The following HPSE2 variants were observed in gnomAD, a reference collection of about 807,000 sequenced individuals.
HPSE2 encodes heparanase 2 (inactive).
Under a neutral mutation model 60.5 loss-of-function variants are expected in HPSE2, and 38 were observed. The observed-to-expected ratio is 0.63, with a 90% confidence interval of 0.48 to 0.82. The LOEUF is 0.82. Ranked by LOEUF, HPSE2 falls within the 40% of genes least tolerant of loss-of-function variation. HPSE2 has a pLI of 0.00. For synonymous variants in HPSE2, 295 were observed against 293.2 expected (o/e 1.01, Z -0.06); for missense variants, 713 against 740.4 (o/e 0.96, Z 0.43).
chr10:98,960,743 T>TA lies in HPSE2; in HGVS notation c.610+183494_610+183495insT, dbSNP rs1373570826. ...TTTGTTTTATTTTTTTTATTTTATT[T>TA]TTTTTTTTATTATACTCTAAGTTTT... On this transcript the variant is annotated intron_variant, in intron 3 of 11. Transcript: ENST00000370552. 7.2e-3 allele frequency among the ~76,000 whole-genome samples: 956 copies of TA among 132,274 alleles called. 16 individuals carry two copies. The highest frequency in any genetic ancestry group is 0.026 in the African/African-American group (914 of 34,492). 86.8% of individuals were successfully genotyped at this position (132,274 alleles called of 152,430 possible). A position where few individuals can be genotyped will look rare whatever the true frequency, so the allele number is the denominator to read the frequency against.
chr10:98,749,561 A>G (rs1054930186), intron 3 of HPSE2, among the ~76,000 whole-genome samples: 10 of 151,632 alleles, frequency 6.6e-5, no homozygotes, highest in African/African-American at 2.4e-4. Flanking sequence ...ATTATATAGT[A>G]TATAATAGTG....
At chr10:98,964,367 T>C (rs756709489) in intron 3 of HPSE2, among the ~76,000 whole-genome samples, 2 of 152,176 alleles carry the variant, frequency 1.3e-5, no homozygotes, top group Non-Finnish European at 2.9e-5. Flanking sequence ...CTACTTGGTA[T>C]TCATTGACAT....
intron 2 of HPSE2, among the ~76,000 whole-genome samples, chr10:99,152,868 C>G (rs2135803852): frequency 6.6e-6 from 1 of 152,358 alleles, no homozygotes; most frequent in Admixed American, 6.5e-5. Flanking sequence ...GAGTGCCAGA[C>G]AGTGGGCGCG....
chr10:98,895,154 A>T (rs1953448817), intron 3 of HPSE2, among the ~76,000 whole-genome samples: 1 of 152,146 alleles, frequency 6.6e-6, no homozygotes, highest in African/African-American at 2.4e-5. Context: ...TGAAATTAGG[A>T]TTACAAAAAA....
At chr10:98,722,140 T>C (rs1948943625) in intron 4 of HPSE2, among the ~76,000 whole-genome samples, 1 of 150,416 alleles carries the variant, frequency 6.6e-6, no homozygotes, top group African/African-American at 2.5e-5. Flanking sequence ...AAAATTTATG[T>C]CTACCAGAAT....
At chr10:98,733,499 T>C (rs77193587) in intron 4 of HPSE2, among the ~76,000 whole-genome samples, 6,029 of 152,172 alleles carry the variant, frequency 0.04, 189 homozygotes, top group East Asian at 0.12. Flanking sequence ...GTAATAACCA[T>C]AGGGCAGTAG....
Position 98,540,293 on chromosome 10 carries a change from T to A in HPSE2, c.1321-50097A>T, listed in dbSNP as rs115748961. Among the ~76,000 whole-genome samples, 259 of 152,380 alleles carry A rather than the reference T, an allele frequency of 1.7e-3. 1 individual carries two copies. Among genetic ancestry groups the A allele is most frequent in the African/African-American group, 6.1e-3 (252 of 41,598 alleles). On this transcript the variant is annotated intron_variant, in intron 9 of 11. Transcript: ENST00000370552. ...AATTTGCATTTATTCATACATATGT[T>A]TTCCCCTACTTTCTCTTGGGCATGA...
chr10:99,279,123 T>C, the HPSE2 span, among the ~76,000 whole-genome samples: 1 of 152,164 alleles, frequency 6.6e-6, no homozygotes, highest in Non-Finnish European at 1.5e-5. Flanking sequence ...GAAATATCAT[T>C]TCAGAATTTC....
chr10:98,608,580 T>C lies in HPSE2; in HGVS notation c.1320+6324A>G, dbSNP rs147712851. On this transcript the variant is annotated intron_variant, in intron 9 of 11. Transcript: ENST00000370552. Reference sequence around the variant, plus strand: ...CACAGAGGAGAAAAGAAGCAAGTCATGTTCCCTGGGCATGCAGCCCAGGCA... The same window carrying C: ...CACAGAGGAGAAAAGAAGCAAGTCACGTTCCCTGGGCATGCAGCCCAGGCA... 1.4e-3 allele frequency among the ~76,000 whole-genome samples: 207 copies of C among 152,320 alleles called. 2 individuals carry two copies. The highest frequency in any genetic ancestry group is 4.6e-3 in the African/African-American group (193 of 41,580).
At chr10:98,801,467 C>A (rs1248322023) in intron 3 of HPSE2, among the ~76,000 whole-genome samples, 1 of 151,636 alleles carries the variant, frequency 6.6e-6, no homozygotes. Context: ...ACCTAAAGAC[C>A]CCATCAAAAA....
At chr10:98,520,583 C>A (rs535107955) in intron 9 of HPSE2, among the ~76,000 whole-genome samples, 2 of 152,116 alleles carry the variant, frequency 1.3e-5, no homozygotes, top group South Asian at 2.1e-4. Flanking sequence ...GGCTTCGAGG[C>A]GCAAAGTAAG....
At chr10:98,885,533 T>C (rs1376403593) in intron 3 of HPSE2, among the ~76,000 whole-genome samples, 1 of 152,114 alleles carries the variant, frequency 6.6e-6, no homozygotes, top group Non-Finnish European at 1.5e-5. Flanking sequence ...ACTGCTGTCT[T>C]ATCTTAAGAA....
At chr10:99,315,777 T>C in the HPSE2 span, among the ~76,000 whole-genome samples, 1 of 152,204 alleles carries the variant, frequency 6.6e-6, no homozygotes, top group African/African-American at 2.4e-5. Context: ...CAAGTCCCAA[T>C]ACAACCAGGA....
intron 3 of HPSE2, among the ~76,000 whole-genome samples, chr10:99,102,734 T>A (rs11189970): frequency 0.47 from 72,176 of 151,964 alleles, 19,487 homozygotes; most frequent in Non-Finnish European, 0.61. Flanking sequence ...AAATCCTCAA[T>A]AAAATACTGG....
intron 3 of HPSE2, among the ~76,000 whole-genome samples, chr10:98,904,319 T>A (rs1459050187): frequency 6.6e-6 from 1 of 151,918 alleles, no homozygotes; most frequent in African/African-American, 2.4e-5. Context: ...AGATGAAGAA[T>A]AACATGGAAG....
At chr10:98,801,666 T>C (rs983493785) in intron 3 of HPSE2, among the ~76,000 whole-genome samples, 10 of 151,662 alleles carry the variant, frequency 6.6e-5, no homozygotes, top group African/African-American at 1.7e-4. Context: ...ATAAAAACTA[T>C]AAAACACTGA....
intron 2 of HPSE2, 95 bp from the exon 3 acceptor site, chr10:99,144,494 TTAA>T (rs1845979539): frequency 7.0e-7 from 1 of 1,427,120 alleles, no homozygotes; most frequent in African/African-American, 1.4e-5. Context: ...AATGACAGAA[TTAA>T]TAAGCTACCA....
In HPSE2 at chr10:99,108,068, TA is replaced by T. The variant is rs1278092226; in HGVS notation, c.610+36169del. 2.0e-5 allele frequency among the ~76,000 whole-genome samples: 3 copies of T among 152,288 alleles called. No homozygotes were observed. The East Asian group carries it at 5.8e-4, about 29-fold the overall frequency. Reference sequence around the variant, plus strand: ...ACTATTCCTCTCTAGATGAAGGAATTAAAAATGGCTGAAGCAGATAGTGACA... The same window carrying T: ...ACTATTCCTCTCTAGATGAAGGAATTAAAATGGCTGAAGCAGATAGTGACA... On this transcript the variant is annotated intron_variant, in intron 3 of 11. Transcript: ENST00000370552.
rs536149100 is a variant in HPSE2 at position 98,967,027 on chromosome 10, GA to G, written c.610+177210del. Among the ~76,000 whole-genome samples the G allele has an allele frequency of 8.4e-4, 128 of 152,320 alleles. 1 individual carries two copies. The highest frequency in any genetic ancestry group is 2.9e-3 in the African/African-American group (121 of 41,578). On this transcript the variant is annotated intron_variant, in intron 3 of 11. Transcript: ENST00000370552. The stretch of plus-strand genomic sequence containing the variant: ...GAAGATTATCTAATTTGCATCCTAA[GA>G]AGATCACCCTCTGCCATGACTGGCA...
Sources: allele counts gnomAD v4.1 joint callset (sites outside exome capture counted in the v4.1 genomes callset), GRCh38; gene constraint gnomAD v4.1.1; transcripts MANE v1.5; gene names NCBI Gene and HGNC (gene_info 2026-07-23, HGNC 2026-07-21).